The following FAAH2 variants were observed in gnomAD, a reference collection of about 807,000 sequenced individuals.
FAAH2 encodes fatty-acid amide hydrolase 2.
Under a neutral mutation model 36.9 loss-of-function variants are expected in FAAH2, and 60 were observed. That is an observed-to-expected ratio of 1.63 (90% CI 1.32 to 2.02). The LOEUF is 2.02. FAAH2 is among the 30% of genes most tolerant of loss of function. The pLI, the probability that FAAH2 is intolerant of heterozygous loss-of-function variation, is 0.00. For synonymous variants in FAAH2, 214 were observed against 143.8 expected, an observed-to-expected ratio of 1.49 and a Z score of -3.49; for missense variants, 689 against 397.5, an observed-to-expected ratio of 1.73 and a Z score of -6.23.
intron 7 of FAAH2, among the ~76,000 whole-genome samples, chrX:57,409,159 A>T (rs1000398671): frequency 2.7e-5 from 3 of 111,688 alleles, no homozygotes; most frequent in African/African-American, 6.5e-5. Context: ...TTATAATATT[A>T]TGCGACCACC....
chrX:57,475,757 G>A (rs947349719), intron 10 of FAAH2, among the ~76,000 whole-genome samples: 6 of 112,074 alleles, frequency 5.4e-5, no homozygotes, highest in African/African-American at 1.6e-4. Flanking sequence ...GATGGGAATA[G>A]CATTGAATCT....
At chrX:57,185,607 A>G in the FAAH2 span, among the ~76,000 whole-genome samples, 1 of 108,796 alleles carries the variant, frequency 9.2e-6, no homozygotes, top group Admixed American at 9.9e-5. Context: ...TTGTTACATA[A>G]GTATACATAT....
intron 7 of FAAH2, among the ~76,000 whole-genome samples, chrX:57,421,885 C>A (rs758363920): frequency 9.0e-6 from 1 of 111,479 alleles, no homozygotes; most frequent in African/African-American, 3.3e-5. Context: ...CTACTTCTTA[C>A]CTACTAAATC....
the FAAH2 span, among the ~76,000 whole-genome samples, chrX:57,235,746 G>T: frequency 8.9e-6 from 1 of 112,140 alleles, no homozygotes; most frequent in Non-Finnish European, 1.9e-5. Context: ...CTATGCTTAT[G>T]CAATACAGTG....
chrX:57,375,970 G>A (rs770994262), intron 5 of FAAH2, among the ~76,000 whole-genome samples: 1 of 111,417 alleles, frequency 9.0e-6, no homozygotes, highest in Non-Finnish European at 1.9e-5. Flanking sequence ...TATGTCAAAA[G>A]TTTTTGTGGT....
the FAAH2 span, among the ~76,000 whole-genome samples, chrX:57,185,721 C>T: frequency 3.6e-5 from 4 of 109,762 alleles, no homozygotes; most frequent in African/African-American, 1.0e-4. Context: ...CCCCCACCCC[C>T]CAACAGGCCT....
chrX:57,354,285 G>T (rs2054104760), intron 5 of FAAH2, among the ~76,000 whole-genome samples: 1 of 110,823 alleles, frequency 9.0e-6, no homozygotes, highest in African/African-American at 3.3e-5. Context: ...GCAGCAACAT[G>T]GATGGAACTG....
chrX:57,414,351 T>C (rs775160867), intron 7 of FAAH2, among the ~76,000 whole-genome samples: 1 of 112,163 alleles, frequency 8.9e-6, no homozygotes, highest in Non-Finnish European at 1.9e-5. Context: ...TGGCTGTGGG[T>C]TTGTCATAAA....
chrX:57,298,750 G>A (rs1321373629), intron 2 of FAAH2, among the ~76,000 whole-genome samples: 7 of 77,084 alleles, frequency 9.1e-5, no homozygotes, highest in Middle Eastern at 6.1e-3. Context: ...TCAATTAGAC[G>A]CAATAAAAAA....
chrX:57,313,782 A>G (rs910332242), intron 3 of FAAH2, among the ~76,000 whole-genome samples: 3 of 111,786 alleles, frequency 2.7e-5, no homozygotes, highest in African/African-American at 9.7e-5. Flanking sequence ...CAAAAGAATG[A>G]CACCGGCTGT....
At chrX:57,166,294 G>A in the FAAH2 span, among the ~76,000 whole-genome samples, 3 of 111,755 alleles carry the variant, frequency 2.7e-5, no homozygotes, top group South Asian at 3.8e-4. Context: ...GGTACACTAA[G>A]ACAAGAACCT....
chrX:57,250,485 T>C, the FAAH2 span, among the ~76,000 whole-genome samples: 1 of 111,283 alleles, frequency 9.0e-6, no homozygotes, highest in Non-Finnish European at 1.9e-5. Context: ...ATTCTTAAAA[T>C]TTGCTATGAC....
chrX:57,245,161 C>T, the FAAH2 span, among the ~76,000 whole-genome samples: 1 of 111,808 alleles, frequency 8.9e-6, no homozygotes, highest in African/African-American at 3.3e-5. Flanking sequence ...GTAAAGGGAT[C>T]AATGCAACAA....
At chrX:57,452,132 T>A (rs1452985832) in intron 10 of FAAH2, 25 of 752,307 alleles carry the variant, frequency 3.3e-5, no homozygotes, top group Non-Finnish European at 3.8e-5. Flanking sequence ...CCACTTTAGG[T>A]GTCTGTACTC....
At chrX:57,141,616 A>C in the FAAH2 span, among the ~76,000 whole-genome samples, 1 of 111,258 alleles carries the variant, frequency 9.0e-6, no homozygotes, top group African/African-American at 3.3e-5. Context: ...ATTACCTATT[A>C]TTGGTCCGTT....
At chrX:57,393,892 A>G in intron 7 of FAAH2, 3 of 1,046,473 alleles carry the variant, frequency 2.9e-6, no homozygotes, top group Non-Finnish European at 4.0e-6. Context: ...CCAATCTTGC[A>G]AATCTGTTTA....
intron 2 of FAAH2, among the ~76,000 whole-genome samples, chrX:57,306,149 C>T (rs73515099): frequency 0.081 from 9,091 of 111,601 alleles, 879 homozygotes; most frequent in African/African-American, 0.27. Flanking sequence ...ACTTCACACC[C>T]TTCTGCTTCT....
intron 3 of FAAH2, among the ~76,000 whole-genome samples, chrX:57,331,264 G>A (rs1355339081): frequency 2.7e-5 from 3 of 111,385 alleles, no homozygotes; most frequent in African/African-American, 9.8e-5. Context: ...TATGATTCTA[G>A]AGGCCCATGT....
the FAAH2 span, among the ~76,000 whole-genome samples, chrX:57,264,286 A>G: frequency 1.1e-4 from 12 of 112,635 alleles, no homozygotes; most frequent in Admixed American, 1.9e-4. Context: ...TACAAGCTAC[A>G]GATTCCACAT....
Sources: allele counts gnomAD v4.1 joint callset (sites outside exome capture counted in the v4.1 genomes callset), GRCh38; gene constraint gnomAD v4.1.1; transcripts MANE v1.5; gene names NCBI Gene and HGNC (gene_info 2026-07-23, HGNC 2026-07-21).